Variants in NF1 observed in about 807,000 individuals in gnomAD.
NF1 encodes the protein neurofibromin 1, also known as neurofibromin.
In NF1, 122 loss-of-function variants were observed where a neutral mutation model predicts 325.7. The observed-to-expected ratio is 0.37, with a 90% CI of 0.32 to 0.44. NF1 has a LOEUF of 0.44. Ranked by LOEUF, NF1 falls within the 20% of genes least tolerant of loss-of-function variation. The pLI is 1.00. For synonymous variants in NF1, 1,091 were observed against 1,186.0 expected (o/e 0.92, Z 1.65); for missense variants, 2,140 against 3,415.4 (o/e 0.63, Z 9.31).
intron 29 of NF1, among the ~76,000 whole-genome samples, chr17:31,239,577 A>C (rs2067259904): frequency 6.6e-6 from 1 of 152,194 alleles, no homozygotes; most frequent in Non-Finnish European, 1.5e-5. Context: ...AATCAATGAA[A>C]TTAAAAATAG....
At chr17:31,171,233 G>A (rs1170787042) in intron 5 of NF1, among the ~76,000 whole-genome samples, 1 of 152,092 alleles carries the variant, frequency 6.6e-6, no homozygotes, top group Non-Finnish European at 1.5e-5. Flanking sequence ...GGAAAATATA[G>A]GGGTGATTTT....
intron 36 of NF1, chr17:31,272,521 T>G (rs781763549): frequency 1.3e-5 from 2 of 152,246 alleles, no homozygotes; most frequent in African/African-American, 4.8e-5. Flanking sequence ...CTATTCAGAC[T>G]TGTCTTGGAA....
chr17:31,235,533 T>G, intron 27 of NF1, 78 bp from the exon 28 acceptor site: 1 of 1,545,878 alleles, frequency 6.5e-7, no homozygotes. Flanking sequence ...TGGGTTTACA[T>G]TTTTGCTACT....
At chr17:31,230,125 C>A in intron 22 of NF1, 135 bp from the exon 23 acceptor site, 1 of 1,399,446 alleles carries the variant, frequency 7.1e-7, no homozygotes, top group Non-Finnish European at 1.0e-6. Flanking sequence ...AAGTTGTGTA[C>A]GTTCTTTTCT....
chr17:31,340,376 T>G (rs188202759), intron 46 of NF1, 129 bp from the exon 47 acceptor site: 126 of 1,209,686 alleles, frequency 1.0e-4, no homozygotes, highest in Middle Eastern at 9.7e-4. Flanking sequence ...CTCATATCTT[T>G]ATCTTCCCCA....
intron 36 of NF1, among the ~76,000 whole-genome samples, chr17:31,309,008 C>T (rs184043948): frequency 7.2e-5 from 11 of 152,284 alleles, no homozygotes; most frequent in Admixed American, 7.2e-4. Context: ...CCCAGTTTTG[C>T]ATACTTTATT....
intron 36 of NF1, among the ~76,000 whole-genome samples, chr17:31,266,126 C>T (rs1429828686): frequency 6.6e-6 from 1 of 152,176 alleles, no homozygotes; most frequent in Non-Finnish European, 1.5e-5. Flanking sequence ...CATGTTTAGA[C>T]CTAGTTCTGC....
chr17:31,171,360 C>T (rs1314594171), intron 5 of NF1, among the ~76,000 whole-genome samples: 1 of 152,154 alleles, frequency 6.6e-6, no homozygotes, highest in Non-Finnish European at 1.5e-5. Flanking sequence ...AAGCGTTGAG[C>T]AGTTGAGAAA....
At chr17:31,146,670 G>A (rs149422248) in intron 1 of NF1, among the ~76,000 whole-genome samples, 240 of 152,318 alleles carry the variant, frequency 1.6e-3, no homozygotes, top group Non-Finnish European at 2.7e-3. Context: ...ACATCTGGGA[G>A]TGAGGAGCAC....
At chr17:31,294,101 T>C (rs1033710532) in intron 36 of NF1, among the ~76,000 whole-genome samples, 1 of 152,192 alleles carries the variant, frequency 6.6e-6, no homozygotes, top group Non-Finnish European at 1.5e-5. Flanking sequence ...CCAATGATTT[T>C]ATTCTTAAGC....
chr17:31,362,288 A>C, intron 57 of NF1: 1 of 985,400 alleles, frequency 1.0e-6, no homozygotes, highest in South Asian at 4.7e-5. Flanking sequence ...TTTTTTACAG[A>C]TACTGCAGCC....
At chr17:31,124,420 A>T (rs1015195618) in intron 1 of NF1, among the ~76,000 whole-genome samples, 3 of 151,312 alleles carry the variant, frequency 2.0e-5, no homozygotes, top group African/African-American at 7.3e-5. Context: ...ATACATGAGT[A>T]TTAAGTTAAC....
At chr17:31,102,379 C>A (rs1023384041) in intron 1 of NF1, among the ~76,000 whole-genome samples, 2 of 151,936 alleles carry the variant, frequency 1.3e-5, no homozygotes, top group Non-Finnish European at 2.9e-5. Flanking sequence ...GTGTGTGTGA[C>A]AGAGTCTTGC....
rs1284070052 is a variant in NF1, at chr17:31,226,481, C to T, written c.2048C>T (p.Ala683Val). 6.2e-7 allele frequency: 1 copy of T among 1,613,850 alleles called. No homozygotes were observed. Among genetic ancestry groups the T allele is most frequent in the Non-Finnish European group, 8.5e-7 (1 of 1,179,808 alleles). Reference protein sequence around the residue: ...CSGTPPICRQAQTKLEVALYM... With the variant: ...CSGTPPICRQVQTKLEVALYM... ...GGAACCCCCCCGATTTGCCGACAAG[C>T]CCAGACCAAACTAGAAGTGGCCCTG... Residue 683 changes from alanine (A) to valine (V), a missense_variant, in exon 18 of 58, where the codon GCC (alanine) becomes GTC (valine). This residue lies in a region of NF1 where 380 missense variants were observed against 639.3 expected (regional missense o/e 0.59). Coordinates refer to ENST00000358273, the MANE Select transcript of NF1 (RefSeq NM_001042492.3).
chr17:31,260,825 G>A (rs565160938), intron 34 of NF1, among the ~76,000 whole-genome samples: 46 of 152,036 alleles, frequency 3.0e-4, no homozygotes, highest in Admixed American at 5.2e-4. Context: ...TCAGATTAGC[G>A]TTGGCATTTG....
At chr17:31,233,791 G>T (rs1183969280) in intron 27 of NF1, among the ~76,000 whole-genome samples, 1 of 152,074 alleles carries the variant, frequency 6.6e-6, no homozygotes, top group African/African-American at 2.4e-5. Flanking sequence ...AAGGCTATTT[G>T]CTTTTTAGTG....
At chr17:31,274,038 G>A (rs2067954883) in intron 36 of NF1, among the ~76,000 whole-genome samples, 1 of 152,062 alleles carries the variant, frequency 6.6e-6, no homozygotes, top group Non-Finnish European at 1.5e-5. Flanking sequence ...TTATTTTGAA[G>A]TTTAAAAAAT....
At chr17:31,214,716 A>G in intron 13 of NF1, 131 bp downstream of exon 13, 1 of 754,018 alleles carries the variant, frequency 1.3e-6, no homozygotes, top group Non-Finnish European at 2.2e-6. Flanking sequence ...ATACCTGAAA[A>G]CTAAGACGTC....
chr17:31,323,882 CT>C (rs1597827633), intron 36 of NF1, among the ~76,000 whole-genome samples: 2 of 152,138 alleles, frequency 1.3e-5, no homozygotes, highest in East Asian at 3.9e-4. Context: ...TCTGCATTTC[CT>C]TTGATAAGTG....
Sources: gnomAD v4.1 joint callset for allele counts (sites outside exome capture counted in the v4.1 genomes callset) on GRCh38, gnomAD v4.1.1 for gene constraint, gnomAD v4.1.1 regional missense constraint, MANE v1.5 for transcripts, NCBI Gene and HGNC (gene_info 2026-07-23, HGNC 2026-07-21) for gene names.